ZFAT: variants seen among roughly 807,000 people sequenced by gnomAD.
The protein encoded by ZFAT is zinc finger and AT-hook domain containing.
In ZFAT, 64 loss-of-function variants were observed where a neutral mutation model predicts 117.7. The observed-to-expected ratio is 0.54, with a 90% CI of 0.44 to 0.67. The LOEUF is 0.67. Ranked by LOEUF, ZFAT falls within the 30% of genes least tolerant of loss-of-function variation. The pLI is 0.00. For missense variants in ZFAT, 1,433 were observed against 1,584.5 expected, an observed-to-expected ratio of 0.90 and a Z score of 1.62; for synonymous variants, 679 against 615.0, an observed-to-expected ratio of 1.10 and a Z score of -1.54.
intron 1 of ZFAT, among the ~76,000 whole-genome samples, chr8:134,711,408 T>A (rs1409436258): frequency 6.6e-6 from 1 of 152,226 alleles, no homozygotes; most frequent in Admixed American, 6.5e-5. Context: ...TCAACCTGTA[T>A]TTGGAGAGCA....
the ZFAT span, among the ~76,000 whole-genome samples, chr8:134,824,464 T>G: frequency 6.6e-6 from 1 of 152,222 alleles, no homozygotes; most frequent in Non-Finnish European, 1.5e-5. Flanking sequence ...ACTGAAATAC[T>G]ATGCAAACTT....
chr8:134,677,537 C>T (rs939393902), intron 1 of ZFAT, among the ~76,000 whole-genome samples: 1 of 152,194 alleles, frequency 6.6e-6, no homozygotes, highest in Non-Finnish European at 1.5e-5. Flanking sequence ...GGTACCATTC[C>T]TTCTGAAACT....
At chr8:134,599,427 T>C in intron 7 of ZFAT, 1 of 237,504 alleles carries the variant, frequency 4.2e-6, no homozygotes, top group South Asian at 5.0e-5. Context: ...GTATATAAAA[T>C]AGATTTTTTA....
At chr8:134,657,967 T>C (rs9324433) in intron 1 of ZFAT, among the ~76,000 whole-genome samples, 6 of 152,096 alleles carry the variant, frequency 3.9e-5, no homozygotes, top group Admixed American at 1.3e-4. Context: ...TCCTTCTGGA[T>C]AGTGTCTAAT....
intron 15 of ZFAT, among the ~76,000 whole-genome samples, chr8:134,499,288 G>A (rs1243999445): frequency 7.7e-6 from 1 of 130,332 alleles, no homozygotes; most frequent in Non-Finnish European, 1.6e-5. Flanking sequence ...GGATGCCCCC[G>A]TTGCTGGTTA....
At chr8:134,626,205 T>C (rs574029518) in intron 3 of ZFAT, among the ~76,000 whole-genome samples, 60 of 152,204 alleles carry the variant, frequency 3.9e-4, no homozygotes, top group Non-Finnish European at 6.8e-4. Flanking sequence ...CAGGAAGACA[T>C]CACTGCCAAC....
intron 1 of ZFAT, among the ~76,000 whole-genome samples, chr8:134,677,897 GC>G (rs1563755338): frequency 6.6e-6 from 1 of 152,102 alleles, no homozygotes; most frequent in Non-Finnish European, 1.5e-5. Flanking sequence ...AAATTCAACA[GC>G]CCTTCATGCT....
At chr8:134,695,071 G>A (rs1229156720) in intron 1 of ZFAT, among the ~76,000 whole-genome samples, 1 of 151,510 alleles carries the variant, frequency 6.6e-6, no homozygotes, top group African/African-American at 2.4e-5. Flanking sequence ...AGGGCTTCAG[G>A]GGAGGGAGCC....
chr8:134,722,479 C>T, the ZFAT span, among the ~76,000 whole-genome samples: 1 of 152,312 alleles, frequency 6.6e-6, no homozygotes, highest in East Asian at 1.9e-4. Context: ...GCCAGGCCCT[C>T]GTGACTGGCA....
chr8:134,626,269 G>A (rs879846584), intron 3 of ZFAT, among the ~76,000 whole-genome samples: 1 of 152,126 alleles, frequency 6.6e-6, no homozygotes, highest in Admixed American at 6.5e-5. Context: ...GTGGAGAATC[G>A]GAGGACCACC....
intron 15 of ZFAT, among the ~76,000 whole-genome samples, chr8:134,499,659 G>C (rs937411648): frequency 6.6e-6 from 1 of 152,206 alleles, no homozygotes; most frequent in Non-Finnish European, 1.5e-5. Context: ...GTTACACACA[G>C]AGCCTGATTT....
At chr8:134,782,787 TTCTTTATAAATTACCCA>T in the ZFAT span, among the ~76,000 whole-genome samples, 1,249 of 132,224 alleles carry the variant, frequency 9.4e-3, 12 homozygotes, top group African/African-American at 0.037. Flanking sequence ...AAACCTCTTT[TTCTTTATAAATTACCCA>T]GTCTCGGGTA....
chr8:134,814,975 A>C, the ZFAT span, among the ~76,000 whole-genome samples: 1 of 152,192 alleles, frequency 6.6e-6, no homozygotes, highest in Non-Finnish European at 1.5e-5. Flanking sequence ...TAAATGTTTA[A>C]ATAATGTGAA....
the ZFAT span, among the ~76,000 whole-genome samples, chr8:134,811,961 T>C: frequency 6.6e-6 from 1 of 151,996 alleles, no homozygotes; most frequent in Non-Finnish European, 1.5e-5. Context: ...CTGGCCAACA[T>C]GGTGAAACTC....
intron 1 of ZFAT, among the ~76,000 whole-genome samples, chr8:134,677,095 AG>A (rs371058519): frequency 1.5e-4 from 23 of 152,218 alleles, no homozygotes; most frequent in African/African-American, 5.1e-4. Context: ...CTAAGATCAG[AG>A]CAGAACTAAA....
chr8:134,643,106 C>A (rs1177159061), intron 2 of ZFAT, among the ~76,000 whole-genome samples: 1 of 152,256 alleles, frequency 6.6e-6, no homozygotes, highest in African/African-American at 2.4e-5. Context: ...ATGCTAAGCA[C>A]TTCACATGCA....
chr8:134,793,890 A>G, the ZFAT span: 1 of 152,246 alleles, frequency 6.6e-6, no homozygotes, highest in Non-Finnish European at 1.5e-5. Context: ...ACATGCACAA[A>G]CACACAATAA....
chr8:134,679,539 G>A (rs76106169), intron 1 of ZFAT, among the ~76,000 whole-genome samples: 2,955 of 152,260 alleles, frequency 0.019, 116 homozygotes, highest in African/African-American at 0.067. Context: ...CGATTCCTCA[G>A]GGATCTAGAA....
chr8:134,709,303 G>A (rs963724582), intron 1 of ZFAT, among the ~76,000 whole-genome samples: 1 of 152,210 alleles, frequency 6.6e-6, no homozygotes, highest in Admixed American at 6.5e-5. Flanking sequence ...TCTGGGAAGG[G>A]AAGAGACAAA....
Sources: allele counts gnomAD v4.1 joint callset (sites outside exome capture counted in the v4.1 genomes callset), GRCh38; gene constraint gnomAD v4.1.1; transcripts MANE v1.5; gene names NCBI Gene and HGNC (gene_info 2026-07-23, HGNC 2026-07-21).